The following DNAJC1 variants were observed in gnomAD, a reference collection of about 807,000 sequenced individuals.
DNAJC1 encodes dnaJ homolog subfamily C member 1.
In DNAJC1, 58 loss-of-function variants were observed where a neutral mutation model predicts 76.6. The observed-to-expected ratio is 0.76, with a 90% CI of 0.61 to 0.94. The LOEUF (loss-of-function observed/expected upper bound fraction) is 0.94, where lower values mean the gene tolerates loss of function less well. Ranked by LOEUF, DNAJC1 falls within the 40% of genes least tolerant of loss-of-function variation. The pLI is 0.00. For missense variants in DNAJC1, 689 were observed against 677.3 expected, an observed-to-expected ratio of 1.02 and a Z score of -0.19; for synonymous variants, 258 against 267.9, an observed-to-expected ratio of 0.96 and a Z score of 0.36.
At chr10:21,833,667 A>C (rs1317439095) in intron 8 of DNAJC1, among the ~76,000 whole-genome samples, 1 of 152,128 alleles carries the variant, frequency 6.6e-6, no homozygotes. Flanking sequence ...CAAATAAGTT[A>C]ATACACATGA....
At chr10:21,843,021 GAA>G (rs1835598362) in intron 8 of DNAJC1, among the ~76,000 whole-genome samples, 1 of 152,130 alleles carries the variant, frequency 6.6e-6, no homozygotes, top group Non-Finnish European at 1.5e-5. Context: ...GCTTGTGGAT[GAA>G]AAGAGTATCG....
intron 8 of DNAJC1, among the ~76,000 whole-genome samples, chr10:21,871,722 A>G (rs1836107461): frequency 6.6e-6 from 1 of 151,884 alleles, no homozygotes; most frequent in Admixed American, 6.6e-5. Flanking sequence ...ATCTCTTCTC[A>G]CTGCAACCTC....
At chr10:21,829,857 T>G (rs1040001430) in intron 8 of DNAJC1, among the ~76,000 whole-genome samples, 2 of 152,246 alleles carry the variant, frequency 1.3e-5, no homozygotes, top group African/African-American at 2.4e-5. Flanking sequence ...TCTTTTATTC[T>G]TTCTCTTTTC....
At chr10:21,896,670 C>T (rs1294837534) in intron 7 of DNAJC1, among the ~76,000 whole-genome samples, 5 of 151,818 alleles carry the variant, frequency 3.3e-5, no homozygotes, top group East Asian at 3.9e-4. Context: ...GAATGAGTTA[C>T]GGCTTTGGGG....
intron 1 of DNAJC1, among the ~76,000 whole-genome samples, chr10:21,967,296 C>T (rs1363285101): frequency 2.0e-5 from 3 of 152,164 alleles, no homozygotes; most frequent in African/African-American, 7.2e-5. Context: ...AATATGCAGT[C>T]TTATGTGTCT....
chr10:21,987,016 C>A (rs1219623925), intron 1 of DNAJC1, among the ~76,000 whole-genome samples: 1 of 152,198 alleles, frequency 6.6e-6, no homozygotes. Flanking sequence ...GATCCACCCT[C>A]CTTGGCCACC....
intron 8 of DNAJC1, among the ~76,000 whole-genome samples, chr10:21,828,399 A>C (rs1190404681): frequency 1.3e-5 from 2 of 152,220 alleles, no homozygotes; most frequent in Non-Finnish European, 2.9e-5. Context: ...GAATAAAAGG[A>C]AATTAAGGTA....
At chr10:21,919,663 T>C (rs1047930963) in intron 5 of DNAJC1, among the ~76,000 whole-genome samples, 169 bp downstream of exon 5, 1 of 152,006 alleles carries the variant, frequency 6.6e-6, no homozygotes, top group African/African-American at 2.4e-5. Flanking sequence ...GACATTTTGC[T>C]TAAGATTAGA....
At chr10:21,956,851 CACAA>C (rs755023214) in intron 1 of DNAJC1, among the ~76,000 whole-genome samples, 109 of 147,320 alleles carry the variant, frequency 7.4e-4, no homozygotes, top group Non-Finnish European at 1.4e-3. Context: ...CACACACACA[CACAA>C]GTAGGTGTAA....
intron 8 of DNAJC1, among the ~76,000 whole-genome samples, chr10:21,864,689 T>C (rs1835968961): frequency 6.6e-6 from 1 of 151,942 alleles, no homozygotes. Context: ...GACTTTGAGT[T>C]TGGCAAAGAT....
At chr10:21,997,651 T>C (rs1196227751) in intron 1 of DNAJC1, among the ~76,000 whole-genome samples, 1 of 152,196 alleles carries the variant, frequency 6.6e-6, no homozygotes, top group Non-Finnish European at 1.5e-5. Flanking sequence ...GGGGCACGGA[T>C]GAATGGGCAA....
At chr10:21,953,504 C>A (rs1474282306) in intron 1 of DNAJC1, among the ~76,000 whole-genome samples, 1 of 151,378 alleles carries the variant, frequency 6.6e-6, no homozygotes, top group Non-Finnish European at 1.5e-5. Context: ...AATAAATTCA[C>A]CCTTAAATAT....
chr10:21,962,459 CTTTT>C (rs34817098), intron 1 of DNAJC1, among the ~76,000 whole-genome samples: 2 of 39,902 alleles, frequency 5.0e-5, no homozygotes, highest in African/African-American at 1.3e-4. Flanking sequence ...TATTTTATTG[CTTTT>C]TTTTTTTTTT....
intron 9 of DNAJC1, among the ~76,000 whole-genome samples, chr10:21,804,611 T>C (rs1407446555): frequency 1.3e-5 from 2 of 150,778 alleles, no homozygotes; most frequent in Admixed American, 6.6e-5. Context: ...GTTATCCTTA[T>C]GGTTCTTTTC....
At chr10:21,864,744 GAACA>G (rs1384313015) in intron 8 of DNAJC1, among the ~76,000 whole-genome samples, 2 of 151,990 alleles carry the variant, frequency 1.3e-5, no homozygotes, top group Non-Finnish European at 2.9e-5. Flanking sequence ...GAAAAAAATT[GAACA>G]TACAGATTAA....
intron 7 of DNAJC1, among the ~76,000 whole-genome samples, chr10:21,886,273 T>C (rs979914818): frequency 6.6e-6 from 1 of 152,064 alleles, no homozygotes; most frequent in Non-Finnish European, 1.5e-5. Flanking sequence ...CTCCTAAGAC[T>C]GAACCAGAAA....
At chr10:21,794,266 CAAAAAAAA>C (rs542182948) in intron 9 of DNAJC1, among the ~76,000 whole-genome samples, 3 of 53,578 alleles carry the variant, frequency 5.6e-5, no homozygotes, top group African/African-American at 2.0e-4. Context: ...TTCCTATCTT[CAAAAAAAA>C]AAAAAAAAAA....
At chr10:22,001,892 G>T (rs982513581) in intron 1 of DNAJC1, among the ~76,000 whole-genome samples, 1 of 152,190 alleles carries the variant, frequency 6.6e-6, no homozygotes, top group African/African-American at 2.4e-5. Flanking sequence ...CTTTGAAAAT[G>T]AGATATATAG....
intron 9 of DNAJC1, among the ~76,000 whole-genome samples, chr10:21,798,112 T>C (rs562754392): frequency 6.6e-6 from 1 of 152,342 alleles, no homozygotes; most frequent in East Asian, 1.9e-4. Flanking sequence ...CTCACAGTTC[T>C]TCTGAAGGTT....
Sources: allele counts gnomAD v4.1 joint callset (sites outside exome capture counted in the v4.1 genomes callset), GRCh38; gene constraint gnomAD v4.1.1; transcripts MANE v1.5; gene names NCBI Gene and HGNC (gene_info 2026-07-23, HGNC 2026-07-21).